Variants in LRRC49 observed in about 807,000 individuals in gnomAD.
LRRC49 encodes leucine rich repeat containing 49, also known as leucine-rich repeat-containing protein 49.
LRRC49 carries 50 observed loss-of-function variants against 83.3 expected under a neutral mutation model. The observed-to-expected ratio is 0.60, with a 90% CI of 0.48 to 0.76. The LOEUF is 0.76. Among genes scored for constraint, LRRC49 ranks in the 30% least tolerant of loss-of-function variants. The pLI is 0.00. For synonymous variants in LRRC49, 286 were observed against 283.3 expected, an observed-to-expected ratio of 1.01 and a Z score of -0.10; for missense variants, 704 against 809.1, an observed-to-expected ratio of 0.87 and a Z score of 1.58.
chr15:70,891,004 T>G (rs1259456756), upstream of LRRC49, among the ~76,000 whole-genome samples: 1 of 152,180 alleles, frequency 6.6e-6, no homozygotes, highest in African/African-American at 2.4e-5. Context: ...CACCCCAATG[T>G]AGGAAGCAGG....
rs760892268 is a variant in LRRC49 at position 70,911,507 on chromosome 15, CT to C, written c.501-24del. 6 of 1,343,774 alleles carry C rather than the reference CT, an allele frequency of 4.5e-6. No individual in the cohort carries two copies. The African/African-American group carries it at 8.8e-5, about 20-fold the overall frequency. The allele number at this position is 1,343,774 out of a possible 1,614,324, so 83.2% of individuals were successfully genotyped here. The stretch of plus-strand genomic sequence containing the variant: ...AGATAGATGTGATACATCCGTATTT[CT>C]ATTCTACTTATTCTGGTTTTCAGAA... On this transcript the variant is annotated intron_variant, in intron 5 of 15. Transcript: ENST00000260382.
intron 11 of LRRC49, among the ~76,000 whole-genome samples, chr15:70,992,709 A>G (rs1181504891): frequency 6.6e-6 from 1 of 152,224 alleles, no homozygotes; most frequent in Non-Finnish European, 1.5e-5. Context: ...ATATTGCTCA[A>G]CAGAAAATGT....
intron 7 of LRRC49, among the ~76,000 whole-genome samples, chr15:70,932,726 C>CTTTTTTTTTTTTTTT: frequency 1.0e-5 from 1 of 97,202 alleles, no homozygotes; most frequent in Non-Finnish European, 2.1e-5. Context: ...CTTTCTCTGT[C>CTTTTTTTTTTTTTTT]TTTTTTTTTT....
chr15:70,980,489 A>G (rs2037360563), intron 10 of LRRC49, among the ~76,000 whole-genome samples: 1 of 151,956 alleles, frequency 6.6e-6, no homozygotes, highest in African/African-American at 2.4e-5. Context: ...CATCTTGTGT[A>G]TCCCATGGCC....
intron 3 of LRRC49, chr15:70,898,334 T>C (rs2033922276): frequency 3.0e-6 from 2 of 671,790 alleles, no homozygotes; most frequent in Admixed American, 4.8e-5. Context: ...GGAAAAACAA[T>C]TAATTTGTCT....
At chr15:70,980,009 C>G (rs1368920238) in intron 9 of LRRC49, 92 bp from the exon 10 acceptor site, 2 of 732,188 alleles carry the variant, frequency 2.7e-6, no homozygotes, top group East Asian at 2.6e-5. Context: ...CTATGCCTCT[C>G]AAGAAGAAAA....
At chr15:71,035,336 GT>G (rs201688580) in intron 14 of LRRC49, among the ~76,000 whole-genome samples, 4 of 151,544 alleles carry the variant, frequency 2.6e-5, no homozygotes, top group African/African-American at 2.4e-5. Context: ...CATTATTATT[GT>G]TTTTTTTAAA....
chr15:70,919,591 A>G (rs2034930049), intron 7 of LRRC49, among the ~76,000 whole-genome samples: 1 of 152,204 alleles, frequency 6.6e-6, no homozygotes, highest in Admixed American at 6.5e-5. Context: ...GAAGATACAC[A>G]TACTGTATGC....
At chr15:70,985,376 G>A (rs1320294237) in intron 11 of LRRC49, among the ~76,000 whole-genome samples, 1 of 151,940 alleles carries the variant, frequency 6.6e-6, no homozygotes, top group Non-Finnish European at 1.5e-5. Flanking sequence ...TTCTCTGATG[G>A]CCAGTGATGA....
rs200084920 is a variant in LRRC49 at position 70,988,552 on chromosome 15, C to T, written c.1169+4295C>T. On this transcript the variant is annotated intron_variant, in intron 11 of 15. Transcript: ENST00000260382. Reference sequence around the variant, plus strand: ...TGTCTCTGCATGTGAGATGGGTTTCCTGAATACAGCACACTGATGGGTCTT... The same window carrying T: ...TGTCTCTGCATGTGAGATGGGTTTCTTGAATACAGCACACTGATGGGTCTT... Among the ~76,000 whole-genome samples the T allele has an allele frequency of 1.3e-3, 195 of 152,140 alleles. 4 individuals are homozygous for T. In the East Asian group the frequency reaches 0.036, roughly 28 times the overall value.
intron 8 of LRRC49, among the ~76,000 whole-genome samples, chr15:70,946,728 C>T (rs931108643): frequency 6.6e-6 from 1 of 152,096 alleles, no homozygotes; most frequent in African/African-American, 2.4e-5. Context: ...GGGTTTTCTT[C>T]TCTCCACATT....
At chr15:71,044,662 T>G (rs1014866218) in intron 15 of LRRC49, among the ~76,000 whole-genome samples, 4 of 151,788 alleles carry the variant, frequency 2.6e-5, no homozygotes, top group Non-Finnish European at 4.4e-5. Context: ...GGTGCACGCC[T>G]GTGGTCACAA....
At chr15:70,990,470 T>G (rs908151029) in intron 11 of LRRC49, among the ~76,000 whole-genome samples, 6 of 152,196 alleles carry the variant, frequency 3.9e-5, no homozygotes, top group African/African-American at 1.4e-4. Flanking sequence ...GGTGCGCCGT[T>G]TTTTAAGCCC....
intron 14 of LRRC49, among the ~76,000 whole-genome samples, chr15:71,020,139 A>G (rs1485028421): frequency 1.3e-5 from 2 of 152,158 alleles, no homozygotes; most frequent in Admixed American, 6.6e-5. Context: ...CTGAAAGGAA[A>G]CCAAAAGAAA....
intron 7 of LRRC49, 60 bp downstream of exon 7, chr15:70,919,253 A>C: frequency 7.1e-7 from 1 of 1,402,230 alleles, no homozygotes; most frequent in Admixed American, 2.3e-5. Flanking sequence ...AATTGAAACA[A>C]ATGTTGTAAT....
chr15:71,025,062 C>G (rs2039118425), intron 14 of LRRC49, among the ~76,000 whole-genome samples: 1 of 152,092 alleles, frequency 6.6e-6, no homozygotes, highest in Non-Finnish European at 1.5e-5. Context: ...AAGACAAAAC[C>G]TACAGCTGAC....
chr15:70,970,186 A>C (rs1211207762), intron 9 of LRRC49, among the ~76,000 whole-genome samples: 1 of 152,136 alleles, frequency 6.6e-6, no homozygotes, highest in Non-Finnish European at 1.5e-5. Context: ...TTTAGCATGA[A>C]GCGGTATTGA....
At chr15:70,902,064 G>A (rs1463103628) in intron 4 of LRRC49, among the ~76,000 whole-genome samples, 1 of 152,144 alleles carries the variant, frequency 6.6e-6, no homozygotes, top group African/African-American at 2.4e-5. Context: ...TCTTTTGTAG[G>A]AAAAGTAACA....
In LRRC49 at chr15:70,952,600, A is replaced by G. The variant is rs543560385; in HGVS notation, c.774-11185A>G. Among the ~76,000 whole-genome samples the G allele has an allele frequency of 2.6e-5, 4 of 152,228 alleles. No individual in the cohort carries two copies. In the South Asian group the frequency reaches 8.3e-4, roughly 32 times the overall value. On this transcript the variant is annotated intron_variant, in intron 8 of 15. Coordinates refer to ENST00000260382, the MANE Select transcript of LRRC49 (RefSeq NM_017691.5). The stretch of plus-strand genomic sequence containing the variant: ...CCATGTGCAGATGAGAAGAATGTAT[A>G]CTTTCTTGTTGATGGTTGGAGTGTT...
Sources: gnomAD v4.1 joint callset for allele counts (sites outside exome capture counted in the v4.1 genomes callset) on GRCh38, gnomAD v4.1.1 for gene constraint, MANE v1.5 for transcripts, NCBI Gene and HGNC (gene_info 2026-07-23, HGNC 2026-07-21) for gene names.